Variants in NTM observed in about 807,000 individuals in gnomAD.
NTM encodes IgLON family member 2.
In NTM, 13 loss-of-function variants were observed where a neutral mutation model predicts 42.1. The ratio of observed to expected loss-of-function variants is 0.31; its 90% CI spans 0.20 to 0.49. The LOEUF is 0.49. Ranked by LOEUF, NTM falls within the 20% of genes least tolerant of loss-of-function variation. The pLI is 0.99. For synonymous variants in NTM, 187 were observed against 179.2 expected (o/e 1.04, Z -0.35); for missense variants, 373 against 452.8 (o/e 0.82, Z 1.60).
intron 1 of NTM, among the ~76,000 whole-genome samples, chr11:131,711,083 G>A (rs1415164435): frequency 1.3e-5 from 2 of 152,146 alleles, no homozygotes; most frequent in Non-Finnish European, 2.9e-5. Context: ...AGGACTTCAT[G>A]TCTAAAACAC....
intron 1 of NTM, among the ~76,000 whole-genome samples, chr11:131,827,813 A>T (rs1386566257): frequency 6.6e-6 from 1 of 152,206 alleles, no homozygotes; most frequent in Non-Finnish European, 1.5e-5. Context: ...CAAAATGATC[A>T]AATTTTCTGG....
chr11:132,044,106 G>A (rs1413334010), intron 2 of NTM, among the ~76,000 whole-genome samples: 8 of 131,798 alleles, frequency 6.1e-5, no homozygotes, highest in African/African-American at 1.8e-4. Context: ...ATGTATATGT[G>A]TGTATGTGTA....
intron 3 of NTM, among the ~76,000 whole-genome samples, chr11:132,152,244 A>G (rs1442154689): frequency 3.9e-5 from 6 of 152,214 alleles, no homozygotes; most frequent in South Asian, 2.1e-4. Context: ...TGGCAGGACA[A>G]GGCTCCCGGA....
At chr11:131,900,665 GAGAA>G (rs1487150565) in intron 1 of NTM, among the ~76,000 whole-genome samples, 7 of 151,994 alleles carry the variant, frequency 4.6e-5, no homozygotes, top group African/African-American at 9.7e-5. Context: ...GAGAGAGAGA[GAGAA>G]AGAGAGAGAG....
chr11:131,801,619 C>A (rs556853227), intron 1 of NTM, among the ~76,000 whole-genome samples: 7 of 150,844 alleles, frequency 4.6e-5, no homozygotes, highest in Non-Finnish European at 1.0e-4. Context: ...TATGTAGACC[C>A]CTTTTTTTCT....
chr11:131,495,926 G>C (rs1462486706), intron 1 of NTM, among the ~76,000 whole-genome samples: 1 of 152,224 alleles, frequency 6.6e-6, no homozygotes, highest in African/African-American at 2.4e-5. Flanking sequence ...AGAGGTGTCA[G>C]TTTATCAAAA....
At chr11:131,988,619 T>C (rs1395523456) in intron 2 of NTM, among the ~76,000 whole-genome samples, 1 of 152,230 alleles carries the variant, frequency 6.6e-6, no homozygotes, top group Non-Finnish European at 1.5e-5. Context: ...ATCAGGTTTT[T>C]TCTCCAAGCT....
intron 2 of NTM, among the ~76,000 whole-genome samples, chr11:132,101,556 T>A (rs9630203): frequency 0.24 from 32,015 of 131,092 alleles, 3,530 homozygotes; most frequent in East Asian, 0.35. Flanking sequence ...GAACACAACC[T>A]TGTGTGTGTG....
chr11:131,891,292 C>T (rs1257537913), intron 1 of NTM, among the ~76,000 whole-genome samples: 3 of 152,066 alleles, frequency 2.0e-5, no homozygotes, highest in Non-Finnish European at 4.4e-5. Context: ...GACAGGACTC[C>T]ATGGAAGGGT....
chr11:132,106,769 T>C (rs2062428110), intron 2 of NTM, among the ~76,000 whole-genome samples: 1 of 152,216 alleles, frequency 6.6e-6, no homozygotes, highest in African/African-American at 2.4e-5. Context: ...ACAGCATCCC[T>C]TCCCAGGTGT....
chr11:131,874,588 T>A (rs1565660599), intron 1 of NTM, among the ~76,000 whole-genome samples: 1 of 152,210 alleles, frequency 6.6e-6, no homozygotes, highest in Non-Finnish European at 1.5e-5. Flanking sequence ...CTTTACTATT[T>A]TACTATTTCT....
chr11:131,547,167 T>C (rs2054056463), intron 1 of NTM, among the ~76,000 whole-genome samples: 1 of 152,226 alleles, frequency 6.6e-6, no homozygotes, highest in African/African-American at 2.4e-5. Flanking sequence ...ATTCTTACTA[T>C]GTCTCATTCA....
intron 2 of NTM, among the ~76,000 whole-genome samples, chr11:131,985,882 G>C (rs993910100): frequency 2.6e-5 from 4 of 152,164 alleles, no homozygotes; most frequent in Non-Finnish European, 5.9e-5. Context: ...CCTGTAAAGA[G>C]TCTGTCATCA....
chr11:131,546,503 G>A (rs2053965922), intron 1 of NTM, among the ~76,000 whole-genome samples: 1 of 152,170 alleles, frequency 6.6e-6, no homozygotes, highest in African/African-American at 2.4e-5. Flanking sequence ...CCTGGTCAAA[G>A]TCAACTATGT....
chr11:131,504,830 C>T (rs144633450), intron 1 of NTM, among the ~76,000 whole-genome samples: 29 of 152,294 alleles, frequency 1.9e-4, no homozygotes, highest in Non-Finnish European at 3.8e-4. Context: ...CCTGCATGCA[C>T]ATATGCCTGC....
chr11:132,053,931 A>C (rs1347396292), intron 2 of NTM, among the ~76,000 whole-genome samples: 1 of 152,236 alleles, frequency 6.6e-6, no homozygotes, highest in African/African-American at 2.4e-5. Context: ...CCAATAAAAA[A>C]GTCGCTGGGT....
Position 131,878,591 on chromosome 11 carries a change from AAAAATATATATATATATATATAT to A in NTM, c.83-32971_83-32949del, listed in dbSNP as rs1468211803. 7.1e-4 allele frequency among the ~76,000 whole-genome samples: 21 copies of A among 29,686 alleles called. 2 individuals are homozygous for A. The highest frequency in any genetic ancestry group is 1.9e-3 in the African/African-American group (17 of 8,996). 19.5% of individuals were successfully genotyped at this position (29,686 alleles called of 152,430 possible). On this transcript the variant is annotated intron_variant, in intron 1 of 8. Coordinates refer to ENST00000683400, the MANE Select transcript of NTM (RefSeq NM_001352005.2). ...TCTCAAAAAAAAAAAAAAAAAAAAA[AAAAATATATATATATATATATAT>A]ATATATATATATATATATATATATA...
At chr11:131,946,508 G>C (rs2060360659) in intron 2 of NTM, among the ~76,000 whole-genome samples, 1 of 152,086 alleles carries the variant, frequency 6.6e-6, no homozygotes, top group South Asian at 2.1e-4. Flanking sequence ...AGAAAGAGAA[G>C]GAACTGTGCC....
chr11:131,433,128 A>G (rs898649925), intron 1 of NTM, among the ~76,000 whole-genome samples: 68 of 152,140 alleles, frequency 4.5e-4, no homozygotes, highest in African/African-American at 1.6e-3. Context: ...AAGTGCTGGG[A>G]TTACAGGCGT....
Sources: allele counts gnomAD v4.1 joint callset (sites outside exome capture counted in the v4.1 genomes callset), GRCh38; gene constraint gnomAD v4.1.1; transcripts MANE v1.5; gene names NCBI Gene and HGNC (gene_info 2026-07-23, HGNC 2026-07-21).